The following CLIC5 variants were observed in gnomAD, a reference collection of about 807,000 sequenced individuals.
The protein encoded by CLIC5 is CLIC family member 5, also known as chloride intracellular channel protein 5.
A neutral mutation model predicts 24.7 loss-of-function variants in CLIC5; 20 were observed. That is an observed-to-expected ratio of 0.81 (90% CI 0.57 to 1.18). The LOEUF (loss-of-function observed/expected upper bound fraction) is 1.18, where lower values mean the gene tolerates loss of function less well. Among genes scored for constraint, CLIC5 ranks in the 50% most tolerant of loss-of-function variants. The probability of loss-of-function intolerance (pLI) is 0.00; values close to 1 mark genes in which losing one functional copy is unlikely to be tolerated. For synonymous variants in CLIC5, 159 were observed against 135.6 expected, an observed-to-expected ratio of 1.17 and a Z score of -1.20; for missense variants, 341 against 326.1, an observed-to-expected ratio of 1.05 and a Z score of -0.35.
intron 3 of CLIC5, among the ~76,000 whole-genome samples, chr6:45,948,837 A>G (rs1174203530): frequency 6.6e-6 from 1 of 152,166 alleles, no homozygotes; most frequent in Admixed American, 6.5e-5. Flanking sequence ...TGTTGTTTTA[A>G]GTCACTGGGT....
chr6:45,946,490 G>C (rs1262793114), intron 3 of CLIC5, among the ~76,000 whole-genome samples: 2 of 152,168 alleles, frequency 1.3e-5, no homozygotes, highest in East Asian at 3.8e-4. Flanking sequence ...ATAATGTGTT[G>C]GCTTTTGGCA....
At chr6:46,031,019 A>G (rs1767483689) in intron 1 of CLIC5, among the ~76,000 whole-genome samples, 1 of 152,344 alleles carries the variant, frequency 6.6e-6, no homozygotes, top group Middle Eastern at 3.4e-3. Flanking sequence ...TGTGCTAAGT[A>G]CTGTTTCCCT....
intron 1 of CLIC5, among the ~76,000 whole-genome samples, chr6:45,986,035 G>T (rs1008835181): frequency 6.6e-6 from 1 of 152,100 alleles, no homozygotes; most frequent in Non-Finnish European, 1.5e-5. Flanking sequence ...GCTCTGTCTT[G>T]CCTGCCACAA....
At chr6:45,916,283 G>A (rs1763029464) in intron 4 of CLIC5, among the ~76,000 whole-genome samples, 1 of 152,178 alleles carries the variant, frequency 6.6e-6, no homozygotes, top group Admixed American at 6.5e-5. Flanking sequence ...AGAGTAAGCA[G>A]GGCTGGGAAA....
intron 1 of CLIC5, among the ~76,000 whole-genome samples, chr6:45,982,719 T>C (rs1349423642): frequency 6.6e-6 from 1 of 152,234 alleles, no homozygotes; most frequent in Non-Finnish European, 1.5e-5. Context: ...TATGTGACTC[T>C]GCAACTCATG....
intron 5 of CLIC5, chr6:45,911,937 CT>C (rs1191909742): frequency 1.0e-6 from 1 of 985,420 alleles, no homozygotes; most frequent in Non-Finnish European, 1.2e-6. Context: ...TCAAGCCAAA[CT>C]CTCATGGAGA....
chr6:46,037,671 A>G lies in CLIC5; in HGVS notation c.540+42032T>C, dbSNP rs184188119. ...CAGGTGTCATTTAATGCTGAGGACA[A>G]TAATTCCAATTAAGTATCAGTAGCA... is the stretch of plus-strand genomic sequence containing the variant. On this transcript the variant is annotated intron_variant, in intron 1 of 5. Transcript: ENST00000185206. 2.3e-3 allele frequency among the ~76,000 whole-genome samples: 348 copies of G among 152,378 alleles called. 2 individuals are homozygous for G. The highest frequency in any genetic ancestry group is 0.014 in the Middle Eastern group (4 of 294).
At chr6:45,887,763 A>G (rs1454954119) in intron 6 of CLIC5, among the ~76,000 whole-genome samples, 1 of 152,248 alleles carries the variant, frequency 6.6e-6, no homozygotes, top group African/African-American at 2.4e-5. Context: ...ATAATCTGGT[A>G]TGATGTAACA....
chr6:45,923,688 A>G (rs1263486202), intron 4 of CLIC5, among the ~76,000 whole-genome samples: 1 of 152,268 alleles, frequency 6.6e-6, no homozygotes, highest in Non-Finnish European at 1.5e-5. Context: ...TTAAGGAAAT[A>G]CACATGGTAG....
Position 45,913,407 on chromosome 6 carries a change from G to GA in CLIC5, c.588+820dup, listed in dbSNP as rs112129737. On this transcript the variant is annotated intron_variant, in intron 5 of 5. Transcript: ENST00000339561. Reference sequence around the variant, plus strand: ...CAAAGCTGTTCTCTGTTACTCTAGAGAAAAAATGGATAGCAGGGAGGCATG... The same window carrying GA: ...CAAAGCTGTTCTCTGTTACTCTAGAGAAAAAAATGGATAGCAGGGAGGCATG... Among the ~76,000 whole-genome samples, 1,062 of 152,274 alleles carry GA rather than the reference G, an allele frequency of 7.0e-3. 10 individuals carry two copies. The highest frequency in any genetic ancestry group is 0.024 in the African/African-American group (985 of 41,546).
chr6:46,086,334 C>T, the CLIC5 span, among the ~76,000 whole-genome samples: 490 of 152,372 alleles, frequency 3.2e-3, 4 homozygotes, highest in Middle Eastern at 0.017. Flanking sequence ...CCGTCTTCTG[C>T]GTCACTCACG....
chr6:45,975,261 C>G (rs77036376), intron 1 of CLIC5, among the ~76,000 whole-genome samples: 3,508 of 152,120 alleles, frequency 0.023, 140 homozygotes, highest in African/African-American at 0.081. Flanking sequence ...GAAACCCCAG[C>G]AAATTCAAGC....
chr6:45,881,981 A>T (rs926713016), intron 6 of CLIC5, among the ~76,000 whole-genome samples: 1 of 276 alleles, frequency 3.6e-3, no homozygotes, highest in Non-Finnish European at 0.013. Context: ...ACTTCCTTTA[A>T]AAAAAAAAAA....
At chr6:45,898,446 A>T (rs560435938), downstream of CLIC5, 1 of 152,632 alleles carries the variant, frequency 6.6e-6, no homozygotes, top group African/African-American at 2.4e-5. Context: ...AAGTTAGATG[A>T]CCACTTTTGT....
chr6:45,884,894 T>C (rs1762291895), intron 6 of CLIC5, among the ~76,000 whole-genome samples: 1 of 152,000 alleles, frequency 6.6e-6, no homozygotes, highest in Non-Finnish European at 1.5e-5. Context: ...CGGAGGTTAA[T>C]AATGATTTGT....
chr6:46,066,191 A>G (rs1326957722), intron 1 of CLIC5, among the ~76,000 whole-genome samples: 1 of 151,996 alleles, frequency 6.6e-6, no homozygotes, highest in Non-Finnish European at 1.5e-5. Flanking sequence ...CAAACAATCA[A>G]CCTATTCAAA....
At chr6:46,001,918 T>C (rs1177989076) in intron 1 of CLIC5, among the ~76,000 whole-genome samples, 1 of 152,232 alleles carries the variant, frequency 6.6e-6, no homozygotes, top group Non-Finnish European at 1.5e-5. Flanking sequence ...ATATTTATTA[T>C]AATGCCTTCC....
chr6:45,985,613 A>C (rs1429600366), intron 1 of CLIC5, among the ~76,000 whole-genome samples: 1 of 152,022 alleles, frequency 6.6e-6, no homozygotes, highest in Non-Finnish European at 1.5e-5. Flanking sequence ...AATAGCATCA[A>C]GGGGCTCCCT....
intron 1 of CLIC5, among the ~76,000 whole-genome samples, chr6:46,043,575 A>G (rs2127461638): frequency 6.6e-6 from 1 of 152,320 alleles, no homozygotes; most frequent in Middle Eastern, 3.4e-3. Context: ...CACTTTTTAT[A>G]TTGAGGTGGA....
Sources: allele counts gnomAD v4.1 joint callset (sites outside exome capture counted in the v4.1 genomes callset), GRCh38; gene constraint gnomAD v4.1.1; transcripts MANE v1.5; gene names NCBI Gene and HGNC (gene_info 2026-07-23, HGNC 2026-07-21).